Variants in CFAP70 observed in about 807,000 individuals in gnomAD.
CFAP70 encodes the protein cilia and flagella associated protein 70.
A neutral mutation model predicts 137.6 loss-of-function variants in CFAP70; 81 were observed. The observed-to-expected ratio is 0.59, with a 90% CI of 0.49 to 0.71. CFAP70 has a LOEUF of 0.71. Ranked by LOEUF, CFAP70 falls within the 30% of genes least tolerant of loss-of-function variation. The probability of loss-of-function intolerance (pLI) is 0.00; values close to 1 mark genes in which losing one functional copy is unlikely to be tolerated. For synonymous variants in CFAP70, 382 were observed against 423.6 expected (o/e 0.90, Z 1.20); for missense variants, 976 against 1,226.7 (o/e 0.80, Z 3.05).
At chr10:73,343,483 C>T (rs1018525372) in intron 5 of CFAP70, among the ~76,000 whole-genome samples, 9 of 152,004 alleles carry the variant, frequency 5.9e-5, no homozygotes, top group South Asian at 2.1e-4. Flanking sequence ...CTGAGACATG[C>T]GGATCACCTG....
At chr10:73,312,027 A>T in intron 10 of CFAP70, 113 bp from the exon 12 acceptor site, 1 of 816,848 alleles carries the variant, frequency 1.2e-6, no homozygotes. Context: ...GCCATAAAAA[A>T]GAATGAGTTT....
intron 12 of CFAP70, among the ~76,000 whole-genome samples, chr10:73,307,109 G>A (rs1388394755): frequency 6.6e-6 from 1 of 152,160 alleles, no homozygotes; most frequent in Non-Finnish European, 1.5e-5. Flanking sequence ...GGAGCAGAGT[G>A]TATAGTACTG....
chr10:73,283,258 A>G (rs935100895), intron 19 of CFAP70, among the ~76,000 whole-genome samples: 1 of 152,074 alleles, frequency 6.6e-6, no homozygotes, highest in African/African-American at 2.4e-5. Flanking sequence ...ATTGCCTAGG[A>G]TATAGTTTGT....
chr10:73,331,176 C>CATTTTGAGGGGG lies in CFAP70; in HGVS notation c.777_777+1insCCCCCTCAAAAT (p.Lys259_Thr260insProProGlnAsn), dbSNP rs2052035064. The CATTTTGAGGGGG allele has an allele frequency of 1.2e-6, 2 of 1,606,258 alleles. No homozygotes were observed. Among genetic ancestry groups the CATTTTGAGGGGG allele is most frequent in the Non-Finnish European group, 1.7e-6 (2 of 1,174,144 alleles). Reference sequence around the variant, plus strand: ...AAATATTTTTGAGGGGGCATATTTACCTTTTCAGTTTTGCCAGCTTTCCCT... The same window carrying CATTTTGAGGGGG: ...AAATATTTTTGAGGGGGCATATTTACATTTTGAGGGGGCTTTTCAGTTTTGCCAGCTTTCCCT... On this transcript the variant is annotated inframe_insertion and splice_region_variant. Coordinates refer to ENST00000310715, the Ensembl canonical transcript of CFAP70.
chr10:73,316,398 GT>G (rs1564830760), intron 9 of CFAP70, among the ~76,000 whole-genome samples: 1 of 142,080 alleles, frequency 7.0e-6, no homozygotes, highest in Non-Finnish European at 1.5e-5. Context: ...TTGTTGTTCT[GT>G]TCTTCCTTTA....
At chr10:73,310,490 T>G (rs1270190047) in intron 11 of CFAP70, among the ~76,000 whole-genome samples, 5 of 152,220 alleles carry the variant, frequency 3.3e-5, no homozygotes, top group Non-Finnish European at 7.3e-5. Flanking sequence ...GCTTCTACAG[T>G]GTAACAAGGC....
chr10:73,286,969 T>C (rs1164303429), intron 19 of CFAP70, among the ~76,000 whole-genome samples: 1 of 152,246 alleles, frequency 6.6e-6, no homozygotes, highest in Non-Finnish European at 1.5e-5. Context: ...AAGAACGCCT[T>C]AAGCAGTTTT....
intron 1 of CFAP70, among the ~76,000 whole-genome samples, chr10:73,355,589 A>G (rs1156473080): frequency 6.6e-6 from 1 of 152,192 alleles, no homozygotes; most frequent in Non-Finnish European, 1.5e-5. Flanking sequence ...CAGCCTGTCC[A>G]ATACGGTGAA....
rs376990219 is a variant in CFAP70, at chr10:73,277,339, T to C, written c.2421A>G (p.Ser807=). ...GAAGGCCGGGATGCAGAAGAGCTGA[T>C]GAATCTTGACATTTTGATGCTTCTG... Residue 807 remains serine, a synonymous_variant, in exon 21 of 27, where the codon TCA becomes TCG. Coordinates refer to ENST00000310715, the Ensembl canonical transcript of CFAP70. The C allele has an allele frequency of 3.1e-6, 5 of 1,613,904 alleles. No homozygotes were observed. In the African/African-American group the frequency reaches 5.3e-5, roughly 17 times the overall value.
intron 6 of CFAP70, among the ~76,000 whole-genome samples, chr10:73,339,300 T>C (rs931468725): frequency 1.3e-5 from 2 of 151,482 alleles, no homozygotes; most frequent in Non-Finnish European, 2.9e-5. Flanking sequence ...GGAAACCTTT[T>C]CTTTACTTTT....
chr10:73,314,812 C>T (rs1439818906), intron 9 of CFAP70, among the ~76,000 whole-genome samples: 7 of 151,986 alleles, frequency 4.6e-5, no homozygotes, highest in Non-Finnish European at 8.8e-5. Flanking sequence ...CACCATGTTG[C>T]CCAGGCTTGT....
rs1564889233 is a variant in CFAP70, at chr10:73,351,011, G to GTGTGTA, written c.251-2491_251-2490insTACACA. ...TATATATGTGTGTATATGTGTGTAT[G>GTGTGTA]TGTGTGTATATATATGTGTATATGT... On this transcript the variant is annotated intron_variant, in intron 3 of 26. Coordinates refer to ENST00000310715, the Ensembl canonical transcript of CFAP70. 9.7e-5 allele frequency among the ~76,000 whole-genome samples: 14 copies of GTGTGTA among 144,906 alleles called. No individual in the cohort carries two copies. In the South Asian group the frequency reaches 2.8e-3, roughly 29 times the overall value.
intron 11 of CFAP70, among the ~76,000 whole-genome samples, chr10:73,310,784 T>C (rs566480685): frequency 6.6e-6 from 1 of 152,312 alleles, no homozygotes; most frequent in South Asian, 2.1e-4. Context: ...GTTGTCATCC[T>C]TCCAGAAAGT....
chr10:73,284,470 G>A (rs1302387758), intron 19 of CFAP70, among the ~76,000 whole-genome samples: 1 of 151,844 alleles, frequency 6.6e-6, no homozygotes, highest in African/African-American at 2.4e-5. Context: ...GAACATCTTT[G>A]GAGGAGCCAT....
At chr10:73,304,803 C>T (rs1413671186) in intron 12 of CFAP70, among the ~76,000 whole-genome samples, 7 of 151,250 alleles carry the variant, frequency 4.6e-5, no homozygotes, top group Admixed American at 6.6e-5. Context: ...GTCAGCAAAA[C>T]GACCGGGCAG....
chr10:73,345,136 G>A (rs762233467), intron 4 of CFAP70: 2 of 1,614,140 alleles, frequency 1.2e-6, no homozygotes, highest in Non-Finnish European at 8.5e-7. Context: ...AAGGATTCAG[G>A]CACAGAGTAA....
chr10:73,295,993 T>C (rs2048521883), intron 15 of CFAP70: 1 of 152,212 alleles, frequency 6.6e-6, no homozygotes, highest in Non-Finnish European at 1.5e-5. Flanking sequence ...GTTAATGTTT[T>C]TCTTTTCTTT....
chr10:73,348,969 G>A (rs2053957254), intron 3 of CFAP70, among the ~76,000 whole-genome samples: 2 of 151,866 alleles, frequency 1.3e-5, no homozygotes, highest in South Asian at 4.2e-4. Flanking sequence ...GACCGAGGCA[G>A]GAGAATCGCT....
At chr10:73,302,813 C>T (rs2049050130) in intron 12 of CFAP70, among the ~76,000 whole-genome samples, 1 of 152,002 alleles carries the variant, frequency 6.6e-6, no homozygotes, top group Non-Finnish European at 1.5e-5. Context: ...ATGCCTCAGG[C>T]TCAGCCTGCA....
Sources: allele counts gnomAD v4.1 joint callset (sites outside exome capture counted in the v4.1 genomes callset), GRCh38; gene constraint gnomAD v4.1.1; transcripts MANE v1.5; gene names NCBI Gene and HGNC (gene_info 2026-07-23, HGNC 2026-07-21).